GLIPR2: variants seen among roughly 807,000 people sequenced by gnomAD.
GLIPR2 encodes the protein GLI pathogenesis related 2.
In GLIPR2, 21 loss-of-function variants were observed where a neutral mutation model predicts 20.4. That is an observed-to-expected ratio of 1.03 (90% confidence interval 0.73 to 1.48). The LOEUF (loss-of-function observed/expected upper bound fraction) is 1.48. Ranked by LOEUF, GLIPR2 falls within the 40% of genes most tolerant of loss-of-function variation. GLIPR2 has a pLI of 0.00. For missense variants in GLIPR2, 205 were observed against 200.1 expected, an observed-to-expected ratio of 1.02 and a Z score of -0.15; for synonymous variants, 91 against 80.5, an observed-to-expected ratio of 1.13 and a Z score of -0.70.
At chr9:36,143,452 C>T (rs980408097) in intron 1 of GLIPR2, among the ~76,000 whole-genome samples, 8 of 152,168 alleles carry the variant, frequency 5.3e-5, no homozygotes, top group African/African-American at 9.7e-5. Flanking sequence ...CGAGACCCAC[C>T]GTGGCCTGTC....
chr9:36,152,024 C>T (rs897208427), intron 4 of GLIPR2, among the ~76,000 whole-genome samples: 6 of 152,324 alleles, frequency 3.9e-5, no homozygotes, highest in East Asian at 1.9e-4. Context: ...ACGTTCTCAG[C>T]GCCAGTCACC....
intron 4 of GLIPR2, among the ~76,000 whole-genome samples, chr9:36,156,719 T>A (rs1270782902): frequency 6.6e-6 from 1 of 152,186 alleles, no homozygotes; most frequent in Non-Finnish European, 1.5e-5. Flanking sequence ...GGCGTTAGAT[T>A]CTCATAGGAG....
intron 4 of GLIPR2, among the ~76,000 whole-genome samples, chr9:36,156,406 A>AT (rs1825834736): frequency 7.0e-6 from 1 of 142,110 alleles, no homozygotes; most frequent in South Asian, 2.3e-4. Flanking sequence ...AAAAAAAAAA[A>AT]AAAAAAGAAA....
At chr9:36,143,259 C>G (rs138678989) in intron 1 of GLIPR2, among the ~76,000 whole-genome samples, 7 of 152,266 alleles carry the variant, frequency 4.6e-5, no homozygotes, top group African/African-American at 9.6e-5. Context: ...TCTGTCTCCC[C>G]CTCCTCTTCA....
At chr9:36,141,839 T>C (rs1825101249) in intron 1 of GLIPR2, 1 of 452,440 alleles carries the variant, frequency 2.2e-6, no homozygotes, top group Non-Finnish European at 4.4e-6. Context: ...TTTTTTGTCC[T>C]CCTCAGAATC....
chr9:36,150,416 C>G (rs1476243815), intron 3 of GLIPR2, among the ~76,000 whole-genome samples: 1 of 152,180 alleles, frequency 6.6e-6, no homozygotes, highest in African/African-American at 2.4e-5. Flanking sequence ...CCGTGGCTTA[C>G]CAGCCTGATT....
In GLIPR2 at chr9:36,138,549, T is replaced by C. The variant is rs185309867; in HGVS notation, c.13+1758T>C. Among the ~76,000 whole-genome samples the C allele has an allele frequency of 8.9e-4, 136 of 152,282 alleles. 1 individual carries two copies. The highest frequency in any genetic ancestry group is 2.9e-3 in the Admixed American group (44 of 15,298). On this transcript the variant is annotated intron_variant, in intron 1 of 4. Transcript: ENST00000377960. ...TTAATCAGTTGTTTCTGGCATCTTA[T>C]GTAAGGCACGGTTTTCCAGAACTGC...
At chr9:36,141,805 C>T (rs1825096960) in intron 1 of GLIPR2, 1 of 454,842 alleles carries the variant, frequency 2.2e-6, no homozygotes, top group Non-Finnish European at 4.4e-6. Flanking sequence ...AGGCGTGGGT[C>T]ACCACGCATG....
intron 1 of GLIPR2, among the ~76,000 whole-genome samples, chr9:36,143,975 G>C (rs1825207757): frequency 6.6e-6 from 1 of 152,116 alleles, no homozygotes; most frequent in Non-Finnish European, 1.5e-5. Context: ...TCTCCAGGCT[G>C]AACATCCCCC....
chr9:36,162,229 C>T (rs71531216), intron 4 of GLIPR2, 133 bp from the exon 5 acceptor site: 77,515 of 1,580,354 alleles, frequency 0.049, 2,233 homozygotes, highest in Non-Finnish European at 0.056. Context: ...CCTTCCCCTG[C>T]AGGGGGTCTG....
At chr9:36,137,423 C>T (rs1312781440) in intron 1 of GLIPR2, among the ~76,000 whole-genome samples, 1 of 152,126 alleles carries the variant, frequency 6.6e-6, no homozygotes, top group African/African-American at 2.4e-5. Context: ...GGAGTGGGTC[C>T]CTAGCCCTTA....
chr9:36,162,372 G>A lies in GLIPR2; in HGVS notation c.315G>A (p.Thr105=), dbSNP rs138682558. ...CCCGTTCCCCTACAGGACACTTCACGGCCATGGTATGGAAGAACACCAAGA... is the reference window on the plus strand; with the variant it reads ...CCCGTTCCCCTACAGGACACTTCACAGCCATGGTATGGAAGAACACCAAGA... ...PGFTSGTGHF[T]AMVWKNTKKM... Residue 105 remains threonine, a synonymous_variant, in exon 5 of 5, where the codon ACG becomes ACA. Transcript: ENST00000377960. 1,554 of 1,612,646 alleles carry A rather than the reference G, an allele frequency of 9.6e-4. 15 individuals carry two copies. The African/African-American group carries it at 0.016, about 17-fold the overall frequency.
At chr9:36,150,359 G>A (rs1825523739) in intron 3 of GLIPR2, among the ~76,000 whole-genome samples, 1 of 152,158 alleles carries the variant, frequency 6.6e-6, no homozygotes, top group Non-Finnish European at 1.5e-5. Flanking sequence ...ACACGTGTGG[G>A]GACAGTGGAT....
At position 36,162,920 on chromosome 9, in the gene GLIPR2, G is replaced by A. The variant is rs971229135; in HGVS notation, c.*398G>A. The A allele has an allele frequency of 5.7e-5, 26 of 457,024 alleles. No individual in the cohort carries two copies. The highest frequency in any genetic ancestry group is 4.0e-4 in the African/African-American group (20 of 50,008). The allele number at this position is 457,024 out of a possible 1,614,324, so 28.3% of individuals were successfully genotyped here. A position where few individuals can be genotyped will look rare whatever the true frequency, so the allele number is the denominator to read the frequency against. On this transcript the variant is annotated 3_prime_UTR_variant, in exon 5 of 5. Coordinates refer to ENST00000377960, the MANE Select transcript of GLIPR2 (RefSeq NM_022343.4). ...AGTTCATTTTATGTGATCTTCATGC[G>A]TCGTAATCTACTTTTGGTAGATAAT...
intron 3 of GLIPR2, among the ~76,000 whole-genome samples, chr9:36,149,898 C>T (rs1190465041): frequency 1.3e-5 from 2 of 152,142 alleles, no homozygotes; most frequent in South Asian, 2.1e-4. Context: ...CGTGGTGGCA[C>T]ATGCCTGTGA....
chr9:36,137,737 GGA>G (rs1418473938), intron 1 of GLIPR2, among the ~76,000 whole-genome samples: 1 of 152,232 alleles, frequency 6.6e-6, no homozygotes, highest in Non-Finnish European at 1.5e-5. Flanking sequence ...CTGCCTCACA[GGA>G]GGCTCTTAGA....
chr9:36,139,288 G>C (rs1824966730), intron 1 of GLIPR2, among the ~76,000 whole-genome samples: 1 of 152,048 alleles, frequency 6.6e-6, no homozygotes, highest in Non-Finnish European at 1.5e-5. Context: ...AACTGGTTGA[G>C]TCAGAGGCCA....
At chr9:36,148,780 G>A (rs1482239338) in intron 3 of GLIPR2, 130 bp downstream of exon 3, 1 of 651,410 alleles carries the variant, frequency 1.5e-6, no homozygotes, top group Non-Finnish European at 2.8e-6. Flanking sequence ...AAAAACCAGA[G>A]CTCTCTGAAT....
At chr9:36,162,314 C>T in intron 4 of GLIPR2, 48 bp from the exon 5 acceptor site, 6 of 1,599,506 alleles carry the variant, frequency 3.8e-6, no homozygotes, top group Non-Finnish European at 5.1e-6. Context: ...CTTCTTCAGG[C>T]TCTGCTAATT....
Sources: allele counts gnomAD v4.1 joint callset (sites outside exome capture counted in the v4.1 genomes callset), GRCh38; gene constraint gnomAD v4.1.1; transcripts MANE v1.5; gene names NCBI Gene and HGNC (gene_info 2026-07-23, HGNC 2026-07-21).